PRSS37: variants seen among roughly 807,000 people sequenced by gnomAD.
The protein encoded by PRSS37 is serine protease 37, also known as probable inactive serine protease 37.
Under a neutral mutation model 28.0 loss-of-function variants are expected in PRSS37, and 25 were observed. The ratio of observed to expected loss-of-function variants is 0.89; its 90% CI spans 0.65 to 1.25. The LOEUF is 1.25. PRSS37 is among the 50% of genes most tolerant of loss of function. PRSS37 has a pLI of 0.00. For synonymous variants in PRSS37, 109 were observed against 107.8 expected, an observed-to-expected ratio of 1.01 and a Z score of -0.07; for missense variants, 282 against 292.2, an observed-to-expected ratio of 0.97 and a Z score of 0.25.
chr7:141,837,552 G>C, intron 3 of PRSS37: 1 of 1,498,384 alleles, frequency 6.7e-7, no homozygotes, highest in Non-Finnish European at 8.9e-7. Context: ...ATGAGAAGTA[G>C]GACCACACCT....
At position 141,839,307 on chromosome 7, in the gene PRSS37, T is replaced by C. The variant is rs371789929; in HGVS notation, c.176+31A>G. On this transcript the variant is annotated intron_variant, in intron 2 of 4. Coordinates refer to ENST00000350549, the MANE Select transcript of PRSS37 (RefSeq NM_001008270.3). Reference sequence around the variant, plus strand: ...ACTGATCTAGAATGAACAGTAGCTGTTTTGGGGATGGGGATGCCCAAATAC... The same window carrying C: ...ACTGATCTAGAATGAACAGTAGCTGCTTTGGGGATGGGGATGCCCAAATAC... 3.0e-5 allele frequency: 48 copies of C among 1,610,594 alleles called. No homozygotes were observed. The African/African-American group carries it at 6.4e-4, about 22-fold the overall frequency.
At chr7:141,836,776 T>A (rs780698009) in intron 4 of PRSS37, among the ~76,000 whole-genome samples, 1 of 152,132 alleles carries the variant, frequency 6.6e-6, no homozygotes, top group Non-Finnish European at 1.5e-5. Flanking sequence ...GTAAAATGGG[T>A]CAGACTCCAT....
At chr7:141,840,323 G>C (rs771180990) in intron 1 of PRSS37, among the ~76,000 whole-genome samples, 1 of 152,162 alleles carries the variant, frequency 6.6e-6, no homozygotes, top group Non-Finnish European at 1.5e-5. Context: ...CCCTCTTCTT[G>C]TCTTGGCTTC....
chr7:141,837,620 A>G (rs1258190123), intron 3 of PRSS37: 1 of 1,515,558 alleles, frequency 6.6e-7, no homozygotes, highest in Non-Finnish European at 8.8e-7. Flanking sequence ...GTGCAGAGTC[A>G]GATGGCCTGG....
intron 1 of PRSS37, among the ~76,000 whole-genome samples, chr7:141,840,536 A>G (rs1329967229): frequency 6.6e-6 from 1 of 152,238 alleles, no homozygotes; most frequent in Non-Finnish European, 1.5e-5. Context: ...TAATATGGGT[A>G]GTCATACCCC....
chr7:141,836,888 A>G (rs1366483893), intron 4 of PRSS37, among the ~76,000 whole-genome samples: 1 of 152,204 alleles, frequency 6.6e-6, no homozygotes, highest in Non-Finnish European at 1.5e-5. Context: ...AAGAATGAAT[A>G]CCTAGGAAAT....
intron 1 of PRSS37, among the ~76,000 whole-genome samples, chr7:141,840,180 G>T (rs1801109729): frequency 6.6e-6 from 1 of 152,126 alleles, no homozygotes; most frequent in Non-Finnish European, 1.5e-5. Flanking sequence ...GATTATGAAT[G>T]ATGCTTATTT....
At chr7:141,836,580 T>A (rs1380891842) in intron 4 of PRSS37, 45 bp from the exon 5 acceptor site, 3 of 1,594,280 alleles carry the variant, frequency 1.9e-6, no homozygotes, top group Non-Finnish European at 2.6e-6. Context: ...AGAGTAAGAG[T>A]GTCAGATCTT....
Position 141,837,941 on chromosome 7 carries a change from G to C in PRSS37, c.349C>G (p.Pro117Ala). ...KPAMLNPKVQ[P>A]LTLATTNVRP... ...ACATTGGTGGTGGCGAGGGTAAGGG[G>C]CTGGACTTTGGGATTGAGCATGGCA... Residue 117 changes from proline (P) to alanine (A), a missense_variant, in exon 3 of 5, where the codon CCC (proline) becomes GCC (alanine). Pro to Ala is a conservative substitution (Grantham distance 27). Coordinates refer to ENST00000350549, the MANE Select transcript of PRSS37 (RefSeq NM_001008270.3). 1.9e-6 allele frequency: 3 copies of C among 1,614,124 alleles called. No individual in the cohort carries two copies. Among genetic ancestry groups the C allele is most frequent in the Non-Finnish European group, 2.5e-6 (3 of 1,180,016 alleles).
At chr7:141,837,468 G>A in intron 3 of PRSS37, 2 of 1,133,942 alleles carry the variant, frequency 1.8e-6, no homozygotes, top group Non-Finnish European at 1.2e-6. Context: ...ATTTTTAATT[G>A]GTGGCCTGTC....
chr7:141,836,868 T>A (rs1315541294), intron 4 of PRSS37, among the ~76,000 whole-genome samples: 2 of 152,214 alleles, frequency 1.3e-5, no homozygotes, highest in African/African-American at 2.4e-5. Context: ...ACAATTTTGC[T>A]TGTAGTTATA....
chr7:141,836,669 C>T, intron 4 of PRSS37, 134 bp from the exon 5 acceptor site: 1 of 929,360 alleles, frequency 1.1e-6, no homozygotes, highest in Non-Finnish European at 1.6e-6. Flanking sequence ...AGCACCGAAT[C>T]AGGGGACAGG....
chr7:141,836,545 A>G lies in PRSS37; in HGVS notation c.568-10T>C. The G allele has an allele frequency of 6.2e-7, 1 of 1,611,916 alleles. No homozygotes were observed. The highest frequency in any genetic ancestry group is 8.5e-7 in the Non-Finnish European group (1 of 1,179,236). ...TAGCAACGGCCACCTCCTACCGGAG[A>G]TCATGCAGAGAGAGAGAGAGAGAGA... On this transcript the variant is annotated splice_polypyrimidine_tract_variant and intron_variant, in intron 4 of 4. Coordinates refer to ENST00000350549, the MANE Select transcript of PRSS37 (RefSeq NM_001008270.3).
At chr7:141,837,590 T>C in intron 3 of PRSS37, 2 of 1,507,358 alleles carry the variant, frequency 1.3e-6, no homozygotes, top group South Asian at 2.4e-5. Flanking sequence ...TCTCTGCCAA[T>C]CAGGAATGGC....
In PRSS37 at chr7:141,837,211, G is replaced by T. The variant is rs373813278; in HGVS notation, c.468C>A (p.Pro156=). ...TTTGGCATTCTCGATCAGACATCAC[G>T]GGGGCCTCCAGGTTCTGCCGCAAGT... is the stretch of plus-strand genomic sequence containing the variant. ...HPDLRQNLEA[P]VMSDRECQKT... Residue 156 remains proline (P), a synonymous_variant, in exon 4 of 5, where the codon CCC becomes CCA. Transcript: ENST00000350549. 51 of 1,611,160 alleles carry T rather than the reference G, an allele frequency of 3.2e-5. No homozygotes were observed. In the East Asian group the frequency reaches 1.1e-3, roughly 33 times the overall value.
rs755727164 is a variant in PRSS37, at chr7:141,836,438, TA to T, written c.664del (p.Tyr222ThrfsTer34). The T allele has an allele frequency of 5.6e-6, 9 of 1,614,168 alleles. No individual in the cohort carries two copies. In the Admixed American group the frequency reaches 1.3e-4, roughly 24 times the overall value. ...GTTCTCAATCCAGGATACATATTTG[TA>T]AACATTGGTGTAGATGCCGACGTCC... ...GGDVGIYTNV[Y>X]KYVSWIENTA... On this transcript the variant is annotated frameshift_variant, in exon 5 of 5. Transcript: ENST00000350549. LOFTEE classifies it high-confidence loss of function.
chr7:141,839,419 T>C lies in PRSS37; in HGVS notation c.95A>G (p.Tyr32Cys). The change falls in exon 2 of 5, where the codon TAC becomes TGC. Residue 32 changes from tyrosine (Y) to cysteine (C), a missense_variant. Physicochemically the swap from Tyr to Cys is radical, Grantham distance 194. Transcript: ENST00000350549. Reference sequence around the variant, plus strand: ...ACAGGGGTTGAAGTGAGACTTGAGGTACACCAAATAGGGAGCAGGGTCTTC... The same window carrying C: ...ACAGGGGTTGAAGTGAGACTTGAGGCACACCAAATAGGGAGCAGGGTCTTC... The part of the protein sequence containing the change: ...QKEDPAPYLV[Y>C]LKSHFNPCVG... The C allele has an allele frequency of 1.2e-6, 2 of 1,613,668 alleles. No homozygotes were observed. The highest frequency in any genetic ancestry group is 1.7e-6 in the Non-Finnish European group (2 of 1,179,686).
intron 2 of PRSS37, chr7:141,838,537 T>C: frequency 2.3e-6 from 2 of 872,316 alleles, no homozygotes; most frequent in Non-Finnish European, 2.9e-6. Flanking sequence ...CATTCTGCTC[T>C]GCACCTTTGG....
chr7:141,839,849 A>C (rs1166480703), intron 1 of PRSS37, among the ~76,000 whole-genome samples: 2 of 152,178 alleles, frequency 1.3e-5, no homozygotes, highest in Admixed American at 1.3e-4. Flanking sequence ...TAAAGAAAAA[A>C]ATCAGATATA....
Sources: gnomAD v4.1 joint callset for allele counts (sites outside exome capture counted in the v4.1 genomes callset) on GRCh38, gnomAD v4.1.1 for gene constraint, MANE v1.5 for transcripts, NCBI Gene and HGNC (gene_info 2026-07-23, HGNC 2026-07-21) for gene names.